UBE2E2: variants seen among roughly 807,000 people sequenced by gnomAD.
UBE2E2 encodes ubiquitin-conjugating enzyme E2 E2.
Under a neutral mutation model 24.7 loss-of-function variants are expected in UBE2E2, and 6 were observed. The observed-to-expected ratio is 0.24, with a 90% CI of 0.13 to 0.48. UBE2E2 has a LOEUF of 0.48. UBE2E2 is among the 20% of genes least tolerant of loss of function. The probability of loss-of-function intolerance (pLI) is 0.99; values close to 1 mark genes in which losing one functional copy is unlikely to be tolerated. For missense variants in UBE2E2, 169 were observed against 245.0 expected (o/e 0.69, Z 2.07); for synonymous variants, 104 against 83.6 (o/e 1.24, Z -1.33).
chr3:23,249,458 G>A (rs879305027), intron 3 of UBE2E2, among the ~76,000 whole-genome samples: 1 of 152,100 alleles, frequency 6.6e-6, no homozygotes, highest in Non-Finnish European at 1.5e-5. Flanking sequence ...TTCATTAAAA[G>A]CTTCTTAGTA....
At chr3:23,534,462 A>G (rs1022942061) in intron 5 of UBE2E2, among the ~76,000 whole-genome samples, 1 of 152,208 alleles carries the variant, frequency 6.6e-6, no homozygotes, top group African/African-American at 2.4e-5. Context: ...AGTAAGAACA[A>G]GCCTAAAAAT....
chr3:23,374,517 C>T (rs1002128812), intron 3 of UBE2E2, among the ~76,000 whole-genome samples: 1 of 152,150 alleles, frequency 6.6e-6, no homozygotes, highest in South Asian at 2.1e-4. Context: ...TAGTTAATGG[C>T]CTCAGTGGCC....
At chr3:23,581,298 G>T (rs1404169667) in intron 5 of UBE2E2, among the ~76,000 whole-genome samples, 3 of 152,054 alleles carry the variant, frequency 2.0e-5, no homozygotes, top group Non-Finnish European at 4.4e-5. Context: ...GCATCCTCGA[G>T]CAGGGCTTAT....
chr3:23,443,198 C>T (rs1237406340), intron 3 of UBE2E2, among the ~76,000 whole-genome samples: 1 of 152,122 alleles, frequency 6.6e-6, no homozygotes, highest in Non-Finnish European at 1.5e-5. Context: ...GTTTCACTTA[C>T]CACCTCTGAA....
intron 3 of UBE2E2, among the ~76,000 whole-genome samples, chr3:23,438,191 C>T (rs528757523): frequency 2.0e-5 from 3 of 152,248 alleles, no homozygotes; most frequent in Admixed American, 1.3e-4. Flanking sequence ...AAAGGTGTTC[C>T]AGACAAGCTT....
At chr3:23,484,154 C>A (rs764718664) in intron 3 of UBE2E2, among the ~76,000 whole-genome samples, 1 of 152,230 alleles carries the variant, frequency 6.6e-6, no homozygotes, top group Non-Finnish European at 1.5e-5. Flanking sequence ...GCTTTCTTCT[C>A]CCTGCCTTTT....
At chr3:23,263,698 A>G (rs1697963968) in intron 3 of UBE2E2, among the ~76,000 whole-genome samples, 1 of 152,204 alleles carries the variant, frequency 6.6e-6, no homozygotes, top group Non-Finnish European at 1.5e-5. Context: ...TCAAAAGATC[A>G]TTTCAGTCAT....
intron 3 of UBE2E2, among the ~76,000 whole-genome samples, chr3:23,435,749 C>T (rs1260500577): frequency 2.0e-5 from 3 of 152,192 alleles, no homozygotes; most frequent in South Asian, 2.1e-4. Flanking sequence ...TAAGGAAGAA[C>T]TGCATCTGGC....
In UBE2E2 at chr3:23,378,313, G is replaced by A. The variant is rs534941774; in HGVS notation, c.228-121295G>A. On this transcript the variant is annotated intron_variant, in intron 3 of 5. Coordinates refer to ENST00000396703, the MANE Select transcript of UBE2E2 (RefSeq NM_152653.4). The stretch of plus-strand genomic sequence containing the variant: ...CATCTTGCTTTCATTAGAGTATATA[G>A]GAATTTCATTATAAAATACATTTTT... Among the ~76,000 whole-genome samples the A allele has an allele frequency of 3.8e-4, 57 of 150,846 alleles. 1 individual carries two copies. Among genetic ancestry groups the A allele is most frequent in the African/African-American group, 1.3e-3 (52 of 41,112 alleles).
chr3:23,398,017 C>G (rs982235562), intron 3 of UBE2E2, among the ~76,000 whole-genome samples: 1 of 151,968 alleles, frequency 6.6e-6, no homozygotes, highest in African/African-American at 2.4e-5. Context: ...CAGTTGAACT[C>G]AAAAGAAACT....
chr3:23,203,942 C>T (rs1044927178), intron 1 of UBE2E2, among the ~76,000 whole-genome samples: 1 of 152,190 alleles, frequency 6.6e-6, no homozygotes, highest in Non-Finnish European at 1.5e-5. Context: ...GCCGCCGCAC[C>T]CCGGTGGCCC....
chr3:23,471,458 G>C (rs1288830568), intron 3 of UBE2E2, among the ~76,000 whole-genome samples: 1 of 152,186 alleles, frequency 6.6e-6, no homozygotes, highest in African/African-American at 2.4e-5. Flanking sequence ...CAAATGTAAG[G>C]AAACAAGGTG....
intron 1 of UBE2E2, 101 bp downstream of exon 1, chr3:23,203,565 C>T (rs1575466367): frequency 8.4e-6 from 6 of 712,352 alleles, no homozygotes; most frequent in Non-Finnish European, 1.0e-5. Flanking sequence ...TCGCAGGTCT[C>T]TGCTTACACC....
intron 5 of UBE2E2, among the ~76,000 whole-genome samples, chr3:23,573,768 T>C (rs1329396258): frequency 2.0e-5 from 3 of 152,212 alleles, no homozygotes; most frequent in Non-Finnish European, 4.4e-5. Flanking sequence ...TGTTGTCAGC[T>C]GATTAAAAGC....
rs899155659 is a variant in UBE2E2, at chr3:23,401,053, G to A, written c.228-98555G>A. On this transcript the variant is annotated intron_variant, in intron 3 of 5. Coordinates refer to ENST00000396703, the MANE Select transcript of UBE2E2 (RefSeq NM_152653.4). Reference sequence around the variant, plus strand: ...TATGTTCCTTTAGAATGGTTGACTAGGGAAGGCCTTTCTCAGATGGTTATA... The same window carrying A: ...TATGTTCCTTTAGAATGGTTGACTAAGGAAGGCCTTTCTCAGATGGTTATA... Among the ~76,000 whole-genome samples, 6 of 152,192 alleles carry A rather than the reference G, an allele frequency of 3.9e-5. No homozygotes were observed. In the East Asian group the frequency reaches 9.6e-4, roughly 24 times the overall value.
chr3:23,480,312 A>G (rs1699230375), intron 3 of UBE2E2, among the ~76,000 whole-genome samples: 1 of 152,236 alleles, frequency 6.6e-6, no homozygotes, highest in African/African-American at 2.4e-5. Flanking sequence ...CTCAGAGTGG[A>G]TGCCCAGAGC....
At chr3:23,353,524 C>T (rs1464528276) in intron 3 of UBE2E2, among the ~76,000 whole-genome samples, 2 of 152,184 alleles carry the variant, frequency 1.3e-5, no homozygotes, top group Admixed American at 1.3e-4. Context: ...AGCTGATAAG[C>T]AACTTCAGCA....
intron 1 of UBE2E2, among the ~76,000 whole-genome samples, 180 bp downstream of exon 1, chr3:23,203,644 C>T (rs1346641969): frequency 7.1e-6 from 1 of 141,416 alleles, no homozygotes; most frequent in African/African-American, 2.7e-5. Context: ...CCGCGAGCCT[C>T]CTGCCCCCGT....
At chr3:23,230,735 G>A (rs1696952058) in intron 3 of UBE2E2, among the ~76,000 whole-genome samples, 2 of 150,868 alleles carry the variant, frequency 1.3e-5, no homozygotes, top group Non-Finnish European at 1.5e-5. Flanking sequence ...GCAGTGAGCT[G>A]AGATTGCACC....
Sources: allele counts gnomAD v4.1 joint callset (sites outside exome capture counted in the v4.1 genomes callset), GRCh38; gene constraint gnomAD v4.1.1; transcripts MANE v1.5; gene names NCBI Gene and HGNC (gene_info 2026-07-23, HGNC 2026-07-21).